The following THSD7B variants were observed in gnomAD, a reference collection of about 807,000 sequenced individuals.
THSD7B encodes the protein thrombospondin type 1 domain containing 7B.
Under a neutral mutation model 213.6 loss-of-function variants are expected in THSD7B, and 138 were observed. The ratio of observed to expected loss-of-function variants is 0.65; its 90% CI spans 0.56 to 0.74. The LOEUF is 0.74. Among genes scored for constraint, THSD7B ranks in the 30% least tolerant of loss-of-function variants. The probability of loss-of-function intolerance (pLI) is 0.00; values close to 1 mark genes in which losing one functional copy is unlikely to be tolerated. For missense variants in THSD7B, 1,931 were observed against 1,991.5 expected, an observed-to-expected ratio of 0.97 and a Z score of 0.58; for synonymous variants, 742 against 687.0, an observed-to-expected ratio of 1.08 and a Z score of -1.25.
At chr2:136,932,311 C>T (rs1225013950) in intron 2 of THSD7B, among the ~76,000 whole-genome samples, 2 of 152,120 alleles carry the variant, frequency 1.3e-5, no homozygotes, top group African/African-American at 4.8e-5. Context: ...GATAGATGTG[C>T]AAATTAATCT....
At chr2:137,350,809 T>A (rs147619101) in intron 12 of THSD7B, among the ~76,000 whole-genome samples, 64 of 151,846 alleles carry the variant, frequency 4.2e-4, no homozygotes, top group African/African-American at 1.5e-3. Flanking sequence ...AAAAGTAGAA[T>A]GCCAAAGACT....
chr2:136,960,770 G>A (rs1685202892), intron 2 of THSD7B, among the ~76,000 whole-genome samples: 1 of 152,102 alleles, frequency 6.6e-6, no homozygotes, highest in South Asian at 2.1e-4. Flanking sequence ...GGACTCAGAG[G>A]GAAGAAAAAC....
chr2:137,069,612 A>T (rs993222959), intron 3 of THSD7B, among the ~76,000 whole-genome samples: 1 of 152,010 alleles, frequency 6.6e-6, no homozygotes, highest in Non-Finnish European at 1.5e-5. Flanking sequence ...TGACTGAAGG[A>T]TAATAAATTT....
intron 14 of THSD7B, among the ~76,000 whole-genome samples, chr2:137,418,964 G>A (rs896074524): frequency 6.6e-6 from 1 of 151,638 alleles, no homozygotes; most frequent in Admixed American, 6.6e-5. Flanking sequence ...CTGGAGTGCA[G>A]GGGTGCAATC....
chr2:137,068,551 AT>A (rs938698085), intron 3 of THSD7B, among the ~76,000 whole-genome samples: 1 of 152,000 alleles, frequency 6.6e-6, no homozygotes, highest in African/African-American at 2.4e-5. Context: ...CTCTACCAGG[AT>A]TTTTTTGCTA....
At chr2:137,216,012 C>T (rs1681234424) in intron 7 of THSD7B, among the ~76,000 whole-genome samples, 1 of 151,820 alleles carries the variant, frequency 6.6e-6, no homozygotes, top group South Asian at 2.1e-4. Flanking sequence ...GAATAAAAGG[C>T]ATAATAAATA....
At chr2:137,579,586 T>C (rs1362041876) in intron 17 of THSD7B, among the ~76,000 whole-genome samples, 1 of 152,190 alleles carries the variant, frequency 6.6e-6, no homozygotes, top group African/African-American at 2.4e-5. Context: ...AACCCTAATA[T>C]AGACGGGTTA....
chr2:136,991,123 G>A (rs1288557997), intron 2 of THSD7B, among the ~76,000 whole-genome samples: 2 of 152,120 alleles, frequency 1.3e-5, no homozygotes, highest in African/African-American at 4.8e-5. Flanking sequence ...AAAGTACTAG[G>A]CATATAATTT....
At chr2:137,138,536 G>A (rs543048099) in intron 5 of THSD7B, among the ~76,000 whole-genome samples, 1 of 152,238 alleles carries the variant, frequency 6.6e-6, no homozygotes, top group Admixed American at 6.5e-5. Context: ...CTGTAAAGGT[G>A]GAGTATTTAA....
intron 14 of THSD7B, among the ~76,000 whole-genome samples, chr2:137,448,952 T>C (rs1257533636): frequency 6.6e-6 from 1 of 152,126 alleles, no homozygotes; most frequent in Non-Finnish European, 1.5e-5. Context: ...TTGCTTAGAG[T>C]CTTTTATAAA....
chr2:136,926,388 T>TAA (rs146474659), intron 2 of THSD7B, among the ~76,000 whole-genome samples: 15,363 of 148,840 alleles, frequency 0.1, 1,002 homozygotes, highest in East Asian at 0.16. Context: ...CCCCTAAACT[T>TAA]AAAAAAAAAA....
Position 137,659,704 on chromosome 2 carries a change from G to C in THSD7B, c.4416G>C (p.Gln1472His), listed in dbSNP as rs780008637. The C allele has an allele frequency of 4.4e-6, 7 of 1,604,948 alleles. No homozygotes were observed. The East Asian group carries it at 9.0e-5, about 21-fold the overall frequency. The part of the protein sequence containing the change: ...SPQARPAAIR[Q>H]CIPACRKPFS... ...AGGCCCGTCCTGCTGCCATTCGGCA[G>C]TGCATTCCAGCCTGCAGAAAACCTT... Residue 1472 changes from glutamine to histidine, a missense_variant, in exon 25 of 28, where the codon CAG becomes CAC. Gln to His is a conservative substitution (Grantham distance 24). Coordinates refer to ENST00000409968, the MANE Select transcript of THSD7B (RefSeq NM_001316349.2).
chr2:136,781,031 A>C (rs1008064381), intron 1 of THSD7B, among the ~76,000 whole-genome samples: 3 of 152,244 alleles, frequency 2.0e-5, no homozygotes, highest in African/African-American at 7.2e-5. Context: ...GTGTGAAAGC[A>C]ATATTTCAAA....
chr2:136,937,418 G>A (rs1334002176), intron 2 of THSD7B, among the ~76,000 whole-genome samples: 1 of 151,962 alleles, frequency 6.6e-6, no homozygotes, highest in African/African-American at 2.4e-5. Context: ...ACATCTCGAG[G>A]TGAACTGATG....
At chr2:136,879,565 C>T (rs1683584122) in intron 1 of THSD7B, among the ~76,000 whole-genome samples, 1 of 152,218 alleles carries the variant, frequency 6.6e-6, no homozygotes, top group East Asian at 1.9e-4. Context: ...AATGTTCTTC[C>T]ATTTGTTTGT....
chr2:136,769,071 A>G (rs1046510954), intron 1 of THSD7B, among the ~76,000 whole-genome samples: 13 of 152,054 alleles, frequency 8.5e-5, no homozygotes, highest in African/African-American at 3.1e-4. Context: ...TTCTATTCCC[A>G]CCCTTTAAAA....
intron 5 of THSD7B, among the ~76,000 whole-genome samples, chr2:137,137,402 C>T (rs1238242651): frequency 1.3e-5 from 2 of 152,158 alleles, no homozygotes; most frequent in Non-Finnish European, 2.9e-5. Flanking sequence ...TCAGGTACTG[C>T]ATAACCATGT....
chr2:137,330,993 T>G (rs1684491392), intron 12 of THSD7B, among the ~76,000 whole-genome samples: 1 of 152,116 alleles, frequency 6.6e-6, no homozygotes, highest in Non-Finnish European at 1.5e-5. Flanking sequence ...GACACAAAGG[T>G]TCTCCAAGAC....
At chr2:136,907,474 C>T (rs1208362544) in intron 2 of THSD7B, among the ~76,000 whole-genome samples, 1 of 152,108 alleles carries the variant, frequency 6.6e-6, no homozygotes, top group Non-Finnish European at 1.5e-5. Context: ...AAAGTGGATA[C>T]ACTTCATTCT....
Sources: allele counts gnomAD v4.1 joint callset (sites outside exome capture counted in the v4.1 genomes callset), GRCh38; gene constraint gnomAD v4.1.1; transcripts MANE v1.5; gene names NCBI Gene and HGNC (gene_info 2026-07-23, HGNC 2026-07-21).